The following SAMD5 variants were observed in gnomAD, a reference collection of about 807,000 sequenced individuals.
SAMD5 encodes sterile alpha motif domain containing 5.
In SAMD5, 13 loss-of-function variants were observed where a neutral mutation model predicts 11.3. The ratio of observed to expected loss-of-function variants is 1.15; its 90% confidence interval spans 0.75 to 1.83. SAMD5 has a LOEUF of 1.83. SAMD5 is among the 40% of genes most tolerant of loss of function. The probability of loss-of-function intolerance (pLI) is 0.00; values close to 1 mark genes in which losing one functional copy is unlikely to be tolerated. For synonymous variants in SAMD5, 129 were observed against 111.3 expected, an observed-to-expected ratio of 1.16 and a Z score of -1.00; for missense variants, 255 against 239.1, an observed-to-expected ratio of 1.07 and a Z score of -0.44.
intron 1 of SAMD5, among the ~76,000 whole-genome samples, chr6:147,583,043 C>T (rs1158923663): frequency 1.3e-5 from 2 of 152,188 alleles, no homozygotes; most frequent in African/African-American, 4.8e-5. Flanking sequence ...TATAAATAAA[C>T]ATTAAAAGAC....
chr6:147,877,437 G>A, the SAMD5 span, among the ~76,000 whole-genome samples: 1 of 152,068 alleles, frequency 6.6e-6, no homozygotes, highest in Non-Finnish European at 1.5e-5. Flanking sequence ...AGCAAGCATG[G>A]AGGTACAAAT....
At chr6:147,804,687 G>A in the SAMD5 span, among the ~76,000 whole-genome samples, 1 of 152,148 alleles carries the variant, frequency 6.6e-6, no homozygotes, top group East Asian at 1.9e-4. Context: ...AAAAGGGAGG[G>A]GTAGTATCTC....
chr6:147,734,824 A>AATGGATG (rs1791772344), intron 1 of SAMD5, among the ~76,000 whole-genome samples: 1 of 150,932 alleles, frequency 6.6e-6, no homozygotes. Context: ...ATGTTTTTTA[A>AATGGATG]ATGGATGAGA....
chr6:147,800,592 T>A, the SAMD5 span, among the ~76,000 whole-genome samples: 1 of 152,262 alleles, frequency 6.6e-6, no homozygotes, highest in Non-Finnish European at 1.5e-5. Flanking sequence ...TGTGGTGGGC[T>A]CCACCCAGTT....
intron 1 of SAMD5, among the ~76,000 whole-genome samples, chr6:147,686,059 T>C (rs1283882277): frequency 6.6e-6 from 1 of 152,250 alleles, no homozygotes; most frequent in Non-Finnish European, 1.5e-5. Flanking sequence ...ATGCAAAATG[T>C]GGACTACCTG....
the SAMD5 span, among the ~76,000 whole-genome samples, chr6:147,783,407 G>A: frequency 3.3e-5 from 5 of 150,850 alleles, no homozygotes; most frequent in South Asian, 4.2e-4. Context: ...GGGTCGGGGC[G>A]GGGGGACATG....
At chr6:147,808,656 T>C in the SAMD5 span, among the ~76,000 whole-genome samples, 3 of 152,336 alleles carry the variant, frequency 2.0e-5, no homozygotes, top group Admixed American at 2.0e-4. Flanking sequence ...TGTTTAAAGT[T>C]TCATTCTAGG....
chr6:147,522,520 T>C (rs1331293251), intron 1 of SAMD5, among the ~76,000 whole-genome samples: 1 of 152,142 alleles, frequency 6.6e-6, no homozygotes, highest in African/African-American at 2.4e-5. Flanking sequence ...GATTTCCTAG[T>C]CTTAAACTAT....
chr6:147,744,920 A>AATAAATAAATAAATAAATAAATAG, the SAMD5 span, among the ~76,000 whole-genome samples: 2,317 of 151,028 alleles, frequency 0.015, 77 homozygotes, highest in African/African-American at 0.052. Flanking sequence ...TAAATAAATA[A>AATAAATAAATAAATAAATAAATAG]ATAAGTAAGT....
chr6:147,784,605 A>G, the SAMD5 span, among the ~76,000 whole-genome samples: 22 of 152,216 alleles, frequency 1.4e-4, no homozygotes, highest in Admixed American at 1.4e-3. Context: ...GGTAAATTGC[A>G]TTTTAGAGAT....
At chr6:147,702,691 C>T (rs566825911) in intron 1 of SAMD5, among the ~76,000 whole-genome samples, 1 of 152,126 alleles carries the variant, frequency 6.6e-6, no homozygotes, top group Non-Finnish European at 1.5e-5. Context: ...TGCAAGCTCT[C>T]TTGCTGTGAA....
At chr6:147,756,705 G>A in the SAMD5 span, among the ~76,000 whole-genome samples, 1,616 of 152,266 alleles carry the variant, frequency 0.011, 13 homozygotes, top group Non-Finnish European at 0.014. Context: ...TCAACCCTGC[G>A]CTCGCGCAGT....
At chr6:147,832,006 A>C in the SAMD5 span, among the ~76,000 whole-genome samples, 8 of 152,256 alleles carry the variant, frequency 5.3e-5, no homozygotes, top group South Asian at 1.7e-3. Context: ...TTTTAGAGGA[A>C]TCTCAACTGC....
chr6:147,698,389 G>T (rs1345408905), intron 1 of SAMD5, among the ~76,000 whole-genome samples: 3 of 152,090 alleles, frequency 2.0e-5, no homozygotes, highest in Admixed American at 2.0e-4. Flanking sequence ...CCATAATAAT[G>T]GCATTTTCTA....
chr6:147,611,211 C>T (rs1789779779), intron 1 of SAMD5, among the ~76,000 whole-genome samples: 1 of 152,036 alleles, frequency 6.6e-6, no homozygotes, highest in African/African-American at 2.4e-5. Context: ...AAGCCCAGCT[C>T]TGGAACTACA....
At chr6:147,859,170 GT>G in the SAMD5 span, among the ~76,000 whole-genome samples, 356 of 152,174 alleles carry the variant, frequency 2.3e-3, 2 homozygotes, top group African/African-American at 7.7e-3. Flanking sequence ...GTGCTTCCAT[GT>G]CCCCAAGTGG....
chr6:147,606,496 A>G (rs375751876), intron 1 of SAMD5, among the ~76,000 whole-genome samples: 1 of 152,076 alleles, frequency 6.6e-6, no homozygotes, highest in African/African-American at 2.4e-5. Context: ...TGCATGGCAC[A>G]TGGAACATCT....
At chr6:147,760,153 G>C in the SAMD5 span, among the ~76,000 whole-genome samples, 2 of 152,120 alleles carry the variant, frequency 1.3e-5, no homozygotes, top group Non-Finnish European at 2.9e-5. Context: ...AGGCCAGAAA[G>C]TAATGACTCA....
chr6:147,867,926 GA>G, the SAMD5 span, among the ~76,000 whole-genome samples: 1 of 152,124 alleles, frequency 6.6e-6, no homozygotes, highest in African/African-American at 2.4e-5. Flanking sequence ...CCTGAAAACA[GA>G]AGCCTAGAAT....
Sources: allele counts gnomAD v4.1 joint callset (sites outside exome capture counted in the v4.1 genomes callset), GRCh38; gene constraint gnomAD v4.1.1; transcripts MANE v1.5; gene names NCBI Gene and HGNC (gene_info 2026-07-23, HGNC 2026-07-21).